QSER1: variants seen among roughly 807,000 people sequenced by gnomAD.
QSER1 encodes glutamine and serine-rich protein 1.
QSER1 carries 49 observed loss-of-function variants against 158.5 expected under a neutral mutation model. The ratio of observed to expected loss-of-function variants is 0.31; its 90% CI spans 0.25 to 0.39. The LOEUF is 0.39. QSER1 is among the 10% of genes least tolerant of loss of function. QSER1 has a pLI of 1.00. For synonymous variants in QSER1, 650 were observed against 715.5 expected (o/e 0.91, Z 1.46); for missense variants, 1,754 against 2,010.3 (o/e 0.87, Z 2.44).
rs12289337 is a variant in QSER1 at position 32,979,123 on chromosome 11, G to A, written c.*2649G>A. The A allele has an allele frequency of 8.5e-5, 13 of 152,550 alleles. No homozygotes were observed. The highest frequency in any genetic ancestry group is 2.9e-4 in the African/African-American group (12 of 41,414). The allele number at this position is 152,550 out of a possible 1,614,324, so 9.4% of individuals were successfully genotyped here. A position where few individuals can be genotyped will look rare whatever the true frequency, so the allele number is the denominator to read the frequency against. ...TAAGAATATGGTATTATAATCTTACGGGACCACTGTCAAATACGCGGTCTG... is the reference window on the plus strand; with the variant it reads ...TAAGAATATGGTATTATAATCTTACAGGACCACTGTCAAATACGCGGTCTG... On this transcript the variant is annotated 3_prime_UTR_variant, in exon 13 of 13. Transcript: ENST00000650167.
At chr11:32,911,231 AC>A (rs763267843) in intron 1 of QSER1, among the ~76,000 whole-genome samples, 11 of 152,122 alleles carry the variant, frequency 7.2e-5, no homozygotes, top group Admixed American at 2.0e-4. Flanking sequence ...TTTTAAAAGT[AC>A]CAAGTTATGA....
chr11:32,894,395 CA>C (rs925111716), intron 1 of QSER1, among the ~76,000 whole-genome samples: 10 of 152,192 alleles, frequency 6.6e-5, no homozygotes, highest in Non-Finnish European at 2.9e-5. Flanking sequence ...CTTCTGATTA[CA>C]TGGACCAGGG....
chr11:32,906,964 C>T (rs1185077604), intron 1 of QSER1, among the ~76,000 whole-genome samples: 3 of 152,106 alleles, frequency 2.0e-5, no homozygotes, highest in Admixed American at 6.5e-5. Context: ...GATATAACTA[C>T]AATAGGTAGG....
chr11:32,906,083 T>A (rs569879321), intron 1 of QSER1, among the ~76,000 whole-genome samples: 1 of 150,896 alleles, frequency 6.6e-6, no homozygotes, highest in African/African-American at 2.4e-5. Flanking sequence ...TTTTCTCTAC[T>A]ATAAAAAAGA....
intron 3 of QSER1, among the ~76,000 whole-genome samples, chr11:32,929,788 C>T (rs1303254576): frequency 6.6e-6 from 1 of 152,136 alleles, no homozygotes; most frequent in Non-Finnish European, 1.5e-5. Flanking sequence ...GGGGAATTTG[C>T]TAGCCTCTGT....
At chr11:32,954,385 G>T (rs1203294697) in intron 5 of QSER1, among the ~76,000 whole-genome samples, 1 of 152,152 alleles carries the variant, frequency 6.6e-6, no homozygotes, top group Non-Finnish European at 1.5e-5. Context: ...ACGTATTTCT[G>T]TACAAATGTA....
At chr11:32,940,893 T>G (rs113804025) in intron 4 of QSER1, among the ~76,000 whole-genome samples, 1 of 152,076 alleles carries the variant, frequency 6.6e-6, no homozygotes, top group Non-Finnish European at 1.5e-5. Flanking sequence ...GCTCCTGTTA[T>G]TTTTTACTTT....
chr11:32,973,975 G>A (rs1852921499), intron 11 of QSER1, among the ~76,000 whole-genome samples: 1 of 152,086 alleles, frequency 6.6e-6, no homozygotes, highest in East Asian at 1.9e-4. Flanking sequence ...ACATAGATAA[G>A]TAAGTGTGCA....
chr11:32,945,231 T>C (rs1309876586), intron 4 of QSER1, among the ~76,000 whole-genome samples: 6 of 150,632 alleles, frequency 4.0e-5, no homozygotes, highest in Admixed American at 4.0e-4. Flanking sequence ...ATTTAGTCCA[T>C]TTACATTTAA....
intron 1 of QSER1, among the ~76,000 whole-genome samples, chr11:32,899,275 G>A (rs1851596180): frequency 6.6e-6 from 1 of 152,128 alleles, no homozygotes; most frequent in African/African-American, 2.4e-5. Flanking sequence ...TGTGGGAATT[G>A]GAAGCCCCTT....
intron 4 of QSER1, among the ~76,000 whole-genome samples, chr11:32,937,579 C>T (rs1360739730): frequency 2.0e-5 from 3 of 152,298 alleles, no homozygotes; most frequent in Non-Finnish European, 2.9e-5. Flanking sequence ...TGAGCCACTG[C>T]GCCTGGCCTA....
chr11:32,933,533 A>G lies in QSER1; in HGVS notation c.2275A>G (p.Lys759Glu). The G allele has an allele frequency of 6.2e-7, 1 of 1,613,384 alleles. No homozygotes were observed. The highest frequency in any genetic ancestry group is 1.1e-5 in the South Asian group (1 of 90,852). Residue 759 changes from lysine to glutamate, a missense_variant, in exon 4 of 13, where the codon AAA (lysine) becomes GAA (glutamate). Coordinates refer to ENST00000650167, the MANE Select transcript of QSER1 (RefSeq NM_001076786.3). Reference protein sequence around the residue: ...QVIGVALQASKKEESVVGSVT... With the variant: ...QVIGVALQASEKEESVVGSVT... ...TATTGGGGTTGCTCTGCAAGCATCA[A>G]AAAAAGAAGAAAGTGTTGTTGGTTC...
chr11:32,908,118 CA>C (rs1392915265), intron 1 of QSER1, among the ~76,000 whole-genome samples: 2 of 151,170 alleles, frequency 1.3e-5, no homozygotes, highest in Admixed American at 1.3e-4. Context: ...GAAAGCATTA[CA>C]AAAAAAATAC....
chr11:32,947,747 ATTATG>A (rs555455961), intron 4 of QSER1, among the ~76,000 whole-genome samples: 5 of 152,148 alleles, frequency 3.3e-5, no homozygotes, highest in Non-Finnish European at 7.4e-5. Context: ...AAAGTTTTCC[ATTATG>A]TTATATTATT....
chr11:32,915,023 C>T (rs1396886746), intron 1 of QSER1, among the ~76,000 whole-genome samples: 1 of 152,084 alleles, frequency 6.6e-6, no homozygotes, highest in Non-Finnish European at 1.5e-5. Context: ...GGGCTCAAGC[C>T]ATCCTCCCAC....
chr11:32,955,365 G>A lies in QSER1; in HGVS notation c.4570G>A (p.Val1524Ile). 6.2e-7 allele frequency: 1 copy of A among 1,601,072 alleles called. No individual in the cohort carries two copies. Among genetic ancestry groups the A allele is most frequent in the South Asian group, 1.1e-5 (1 of 87,802 alleles). Residue 1524 changes from valine (V) to isoleucine (I), a missense_variant, in exon 6 of 13, where the codon GTT becomes ATT. Around this residue, in one of 2 missense-constraint regions of QSER1, gnomAD observed 1,707 missense variants for 1,919.6 expected, o/e 0.89. Transcript: ENST00000650167. Reference protein sequence around the residue: ...KVQKALLQKFVPEIRDGQREF... With the variant: ...KVQKALLQKFIPEIRDGQREF... ...ACAAAAAGCTTTATTACAGAAATTTGTTCCTGAAATTCGAGATGGTCAAAG... is the reference window on the plus strand; with the variant it reads ...ACAAAAAGCTTTATTACAGAAATTTATTCCTGAAATTCGAGATGGTCAAAG...
In QSER1 at chr11:32,934,493, C is replaced by A. The variant is rs542096917; in HGVS notation, c.3235C>A (p.Pro1079Thr). The change falls in exon 4 of 13, where the codon CCT becomes ACT. Residue 1079 changes from proline (P) to threonine (T), a missense_variant. This residue lies in a region of QSER1 where 1,707 missense variants were observed against 1,919.6 expected (regional missense o/e 0.89). Transcript: ENST00000650167. Reference protein sequence around the residue: ...MTLDQQHIETPGQNIPTKVTS... With the variant: ...MTLDQQHIETTGQNIPTKVTS... ...TCTTGATCAACAGCACATTGAAACA[C>A]CTGGTCAAAATATACCAACTAAAGT... 1 of 1,613,662 alleles carries A rather than the reference C, an allele frequency of 6.2e-7. No individual in the cohort carries two copies. Among genetic ancestry groups the A allele is most frequent in the South Asian group, 1.1e-5 (1 of 91,084 alleles).
chr11:32,931,957 T>G lies in QSER1; in HGVS notation c.699T>G (p.Thr233=). 6.2e-7 allele frequency: 1 copy of G among 1,614,182 alleles called. No individual in the cohort carries two copies. The highest frequency in any genetic ancestry group is 1.3e-5 in the African/African-American group (1 of 75,068). Residue 233 remains threonine (T), a synonymous_variant, in exon 4 of 13, where the codon ACT becomes ACG. Transcript: ENST00000650167. ...SHHDPLLQIK[T]SQGTVPTALA... is the part of the protein sequence containing the mutation. ...ATGACCCTTTGCTACAAATCAAGAC[T>G]TCCCAGGGAACTGTTCCAACTGCTT... is the stretch of plus-strand genomic sequence containing the variant.
intron 10 of QSER1, among the ~76,000 whole-genome samples, chr11:32,972,962 C>T (rs938347023): frequency 3.9e-5 from 6 of 152,188 alleles, no homozygotes; most frequent in East Asian, 1.9e-4. Context: ...CCACATTTCA[C>T]GGGGCAAGCA....
Sources: gnomAD v4.1 joint callset for allele counts (sites outside exome capture counted in the v4.1 genomes callset) on GRCh38, gnomAD v4.1.1 for gene constraint, gnomAD v4.1.1 regional missense constraint, MANE v1.5 for transcripts, NCBI Gene and HGNC (gene_info 2026-07-23, HGNC 2026-07-21) for gene names.